Variants in PRIM2 observed in about 807,000 individuals in gnomAD.
The protein encoded by PRIM2 is DNA primase large subunit.
Under a neutral mutation model 67.3 loss-of-function variants are expected in PRIM2, and 39 were observed. The observed-to-expected ratio is 0.58, with a 90% CI of 0.45 to 0.76. The LOEUF (loss-of-function observed/expected upper bound fraction) is 0.76, where lower values mean the gene tolerates loss of function less well. Ranked by LOEUF, PRIM2 falls within the 30% of genes least tolerant of loss-of-function variation. The probability of loss-of-function intolerance (pLI) is 0.00; values close to 1 mark genes in which losing one functional copy is unlikely to be tolerated. For missense variants in PRIM2, 398 were observed against 598.7 expected (o/e 0.66, Z 3.50); for synonymous variants, 143 against 198.7 (o/e 0.72, Z 2.36).
At chr6:57,632,794 C>T (rs1398524402) in intron 13 of PRIM2, among the ~76,000 whole-genome samples, 81 of 152,300 alleles carry the variant, frequency 5.3e-4, no homozygotes, top group African/African-American at 1.9e-3. Context: ...CTTGTGGCTG[C>T]CACCTGATGT....
At chr6:57,393,612 G>T (rs1453327832) in intron 7 of PRIM2, among the ~76,000 whole-genome samples, 1 of 152,124 alleles carries the variant, frequency 6.6e-6, no homozygotes, top group African/African-American at 2.4e-5. Context: ...TCTGTGGGTT[G>T]TCTGTTTACT....
At chr6:57,359,573 G>T (rs1769132407) in intron 5 of PRIM2, among the ~76,000 whole-genome samples, 1 of 152,120 alleles carries the variant, frequency 6.6e-6, no homozygotes, top group Non-Finnish European at 1.5e-5. Context: ...TTAAGTTTTG[G>T]GATAGTTTGT....
chr6:57,597,798 A>G (rs1258797490), intron 10 of PRIM2, among the ~76,000 whole-genome samples: 1 of 152,164 alleles, frequency 6.6e-6, no homozygotes, highest in African/African-American at 2.4e-5. Context: ...CGGTCACTTA[A>G]AAGAGGGGGG....
chr6:57,506,261 G>A (rs1774248978), intron 7 of PRIM2, among the ~76,000 whole-genome samples: 1 of 151,820 alleles, frequency 6.6e-6, no homozygotes, highest in Admixed American at 6.6e-5. Context: ...ACAAAATTGG[G>A]AAAGCTTCTC....
At chr6:57,375,777 A>C (rs1328763893) in intron 5 of PRIM2, among the ~76,000 whole-genome samples, 1 of 152,084 alleles carries the variant, frequency 6.6e-6, no homozygotes, top group Non-Finnish European at 1.5e-5. Context: ...CTAATTAAAA[A>C]AAATTTTTTT....
chr6:57,289,686 T>A, the PRIM2 span, among the ~76,000 whole-genome samples: 1 of 152,166 alleles, frequency 6.6e-6, no homozygotes, highest in Admixed American at 6.5e-5. Context: ...CAACCCAGAA[T>A]TTCATATCCA....
rs1768107676 is a variant in PRIM2, at chr6:57,333,032, TGA to T, written c.459+6989_459+6990del. 3.9e-5 allele frequency among the ~76,000 whole-genome samples: 6 copies of T among 152,292 alleles called. No individual in the cohort carries two copies. In the South Asian group the frequency reaches 1.2e-3, roughly 32 times the overall value. ...TTGCTGTTTATTTTACTGTATTTTT[TGA>T]GTTATTTTCTTCGTGGTTTCCCTTA... On this transcript the variant is annotated intron_variant, in intron 5 of 13. Transcript: ENST00000615550.
upstream of PRIM2, among the ~76,000 whole-genome samples, chr6:57,317,158 A>C (rs1455371684): frequency 6.6e-6 from 1 of 152,174 alleles, no homozygotes; most frequent in Non-Finnish European, 1.5e-5. Flanking sequence ...TCGCTGAAAG[A>C]TTAAACGAGC....
intron 12 of PRIM2, among the ~76,000 whole-genome samples, chr6:57,626,210 G>A (rs1264004250): frequency 6.6e-6 from 1 of 152,214 alleles, no homozygotes; most frequent in South Asian, 2.1e-4. Context: ...TCTGAACCTC[G>A]TTGGCAGGCA....
intron 10 of PRIM2, among the ~76,000 whole-genome samples, chr6:57,578,551 A>G (rs1385141318): frequency 6.6e-6 from 1 of 152,002 alleles, no homozygotes; most frequent in Non-Finnish European, 1.5e-5. Context: ...ATTTCATTCT[A>G]TGGGTTATAA....
the PRIM2 span, among the ~76,000 whole-genome samples, chr6:57,239,345 C>A: frequency 6.6e-6 from 1 of 152,178 alleles, no homozygotes; most frequent in Admixed American, 6.5e-5. Flanking sequence ...ACGTATCATG[C>A]TATTTAATGT....
At chr6:57,470,208 A>G (rs1414263282) in intron 7 of PRIM2, among the ~76,000 whole-genome samples, 1 of 151,886 alleles carries the variant, frequency 6.6e-6, no homozygotes, top group Non-Finnish European at 1.5e-5. Flanking sequence ...CTCTTCAATC[A>G]CATCTTACAA....
chr6:57,512,711 C>T (rs1311943536), intron 8 of PRIM2, among the ~76,000 whole-genome samples: 2 of 152,134 alleles, frequency 1.3e-5, no homozygotes, highest in Non-Finnish European at 2.9e-5. Context: ...GATTCTTCTG[C>T]CTCAGCTTCC....
chr6:57,243,970 A>G, the PRIM2 span, among the ~76,000 whole-genome samples: 3 of 152,172 alleles, frequency 2.0e-5, no homozygotes, highest in East Asian at 5.8e-4. Context: ...TGGACTCCTC[A>G]TGGCTGAGGT....
chr6:57,603,324 T>C (rs1776504643), intron 11 of PRIM2, among the ~76,000 whole-genome samples: 1 of 152,356 alleles, frequency 6.6e-6, no homozygotes, highest in East Asian at 1.9e-4. Flanking sequence ...GATGAACCTA[T>C]TGAAGACATT....
intron 10 of PRIM2, among the ~76,000 whole-genome samples, chr6:57,544,420 G>T (rs1370093190): frequency 6.6e-6 from 1 of 152,134 alleles, no homozygotes; most frequent in African/African-American, 2.4e-5. Flanking sequence ...TTTGGATTTA[G>T]GAAGTTTTTG....
At chr6:57,637,858 TAGCAAGACAGGCC>T (rs1210056102) in intron 13 of PRIM2, among the ~76,000 whole-genome samples, 2 of 152,146 alleles carry the variant, frequency 1.3e-5, no homozygotes, top group African/African-American at 4.8e-5. Flanking sequence ...TTCCCCAACC[TAGCAAGACAGGCC>T]AGCATTCAAA....
intron 10 of PRIM2, among the ~76,000 whole-genome samples, chr6:57,567,540 C>T (rs1202247352): frequency 7.2e-5 from 11 of 152,070 alleles, no homozygotes; most frequent in Non-Finnish European, 1.5e-4. Flanking sequence ...CACCATAAGT[C>T]GGGGAAGGTC....
At chr6:57,421,493 A>G (rs1471593994) in intron 7 of PRIM2, among the ~76,000 whole-genome samples, 1 of 152,202 alleles carries the variant, frequency 6.6e-6, no homozygotes, top group Non-Finnish European at 1.5e-5. Context: ...TTTAGTGTTC[A>G]TTAAGCCTTA....
Sources: allele counts gnomAD v4.1 joint callset (sites outside exome capture counted in the v4.1 genomes callset), GRCh38; gene constraint gnomAD v4.1.1; transcripts MANE v1.5; gene names NCBI Gene and HGNC (gene_info 2026-07-23, HGNC 2026-07-21).